The following MBNL2 variants were observed in gnomAD, a reference collection of about 807,000 sequenced individuals.
The protein encoded by MBNL2 is muscleblind-like protein 2.
In MBNL2, 17 loss-of-function variants were observed where a neutral mutation model predicts 41.9. That is an observed-to-expected ratio of 0.41 (90% CI 0.28 to 0.61). The LOEUF (loss-of-function observed/expected upper bound fraction) is 0.61, where lower values mean the gene tolerates loss of function less well. MBNL2 is among the 20% of genes least tolerant of loss of function. The probability of loss-of-function intolerance (pLI) is 0.35; values close to 1 mark genes in which losing one functional copy is unlikely to be tolerated. For synonymous variants in MBNL2, 195 were observed against 182.9 expected, an observed-to-expected ratio of 1.07 and a Z score of -0.53; for missense variants, 336 against 505.6, an observed-to-expected ratio of 0.66 and a Z score of 3.22.
intron 5 of MBNL2, among the ~76,000 whole-genome samples, chr13:97,349,668 C>T (rs912355500): frequency 1.3e-5 from 2 of 152,192 alleles, no homozygotes; most frequent in African/African-American, 4.8e-5. Flanking sequence ...GCTGGGACCA[C>T]AGGTGCATGC....
chr13:97,232,556 T>C (rs73555743), intron 1 of MBNL2, among the ~76,000 whole-genome samples: 1 of 152,266 alleles, frequency 6.6e-6, no homozygotes, highest in African/African-American at 2.4e-5. Flanking sequence ...GGGGTAAAAC[T>C]CAAGATGGTA....
At chr13:97,343,665 C>A (rs2061601739) in intron 4 of MBNL2, among the ~76,000 whole-genome samples, 2 of 152,198 alleles carry the variant, frequency 1.3e-5, no homozygotes. Context: ...AGTGGGACTA[C>A]AACTATTTAC....
intron 7 of MBNL2, among the ~76,000 whole-genome samples, chr13:97,361,318 C>T (rs1052064429): frequency 6.6e-5 from 10 of 152,162 alleles, no homozygotes; most frequent in African/African-American, 2.4e-4. Context: ...AAAAGCATCC[C>T]AGTTGGGACA....
Position 97,387,631 on chromosome 13 carries a change from G to A in MBNL2, c.1049-3691G>A, listed in dbSNP as rs556029611. 6.6e-5 allele frequency among the ~76,000 whole-genome samples: 10 copies of A among 152,250 alleles called. No individual in the cohort carries two copies. The South Asian group carries it at 8.3e-4, about 13-fold the overall frequency. On this transcript the variant is annotated intron_variant, in intron 8 of 8. Coordinates refer to ENST00000679496, the MANE Select transcript of MBNL2 (RefSeq NM_001382683.1). ...GTGTCCCGTCGCCCTATCTCAGACC[G>A]TCCCCATGCCCTGGAGGGGATGCCT...
At chr13:97,339,575 G>A (rs572947592) in intron 3 of MBNL2, among the ~76,000 whole-genome samples, 3 of 152,262 alleles carry the variant, frequency 2.0e-5, no homozygotes, top group Admixed American at 2.0e-4. Flanking sequence ...CTCCCAAGCT[G>A]TAGTTGGTGC....
At position 97,393,029 on chromosome 13, in the gene MBNL2, C is replaced by T. The variant is rs2066422203; in HGVS notation, c.*1580C>T. ...ATTCATGTTGGTCAAAGTCGAATTA[C>T]TATCTATTTATCTTATATCGTAGAT... On this transcript the variant is annotated 3_prime_UTR_variant, in exon 9 of 9. Transcript: ENST00000679496. The T allele has an allele frequency of 2.6e-5, 4 of 152,464 alleles. No individual in the cohort carries two copies. Among genetic ancestry groups the T allele is most frequent in the Admixed American group, 2.6e-4 (4 of 15,258 alleles). The allele number at this position is 152,464 out of a possible 1,614,324, so 9.4% of individuals were successfully genotyped here.
chr13:97,180,753 A>AT, the MBNL2 span, among the ~76,000 whole-genome samples: 4 of 151,780 alleles, frequency 2.6e-5, no homozygotes, highest in South Asian at 2.1e-4. Flanking sequence ...AAAAAAAAAA[A>AT]AAAAAAAAAA....
chr13:97,146,276 C>G, the MBNL2 span, among the ~76,000 whole-genome samples: 1 of 151,994 alleles, frequency 6.6e-6, no homozygotes, highest in Non-Finnish European at 1.5e-5. Flanking sequence ...GCTGGCATTA[C>G]AGGCGTGAGC....
At chr13:97,380,248 C>T (rs1329657300) in intron 8 of MBNL2, among the ~76,000 whole-genome samples, 3 of 152,078 alleles carry the variant, frequency 2.0e-5, no homozygotes, top group Admixed American at 6.5e-5. Context: ...AATTCCAACA[C>T]TTTGGGAGGC....
intron 2 of MBNL2, among the ~76,000 whole-genome samples, chr13:97,303,206 G>T (rs1214749036): frequency 6.6e-6 from 1 of 152,150 alleles, no homozygotes; most frequent in Non-Finnish European, 1.5e-5. Context: ...CCTCGGGGAG[G>T]TGGCAAAAGT....
intron 2 of MBNL2, among the ~76,000 whole-genome samples, chr13:97,320,871 C>T (rs1438285682): frequency 1.3e-5 from 2 of 152,060 alleles, no homozygotes; most frequent in Non-Finnish European, 2.9e-5. Context: ...GCCGAGATCG[C>T]ACCACTGCAC....
Position 97,391,386 on chromosome 13 carries a change from A to G in MBNL2, c.1113A>G (p.Lys371=). The change falls in exon 9 of 9, where the codon AAA becomes AAG. Residue 371 remains lysine, a synonymous_variant. Coordinates refer to ENST00000679496, the MANE Select transcript of MBNL2 (RefSeq NM_001382683.1). Reference sequence around the variant, plus strand: ...AAGAATCTGCATTGAGAATAACTAAACATTGTTACTGTACATACTATCCTG... The same window carrying G: ...AAGAATCTGCATTGAGAATAACTAAGCATTGTTACTGTACATACTATCCTG... The part of the protein sequence containing the change: ...ECQESALRIT[K]HCYCTYYPVS... 1 of 1,588,664 alleles carries G rather than the reference A, an allele frequency of 6.3e-7. No homozygotes were observed. Among genetic ancestry groups the G allele is most frequent in the Non-Finnish European group, 8.6e-7 (1 of 1,157,208 alleles).
chr13:97,204,438 AC>A, the MBNL2 span, among the ~76,000 whole-genome samples: 1 of 152,218 alleles, frequency 6.6e-6, no homozygotes, highest in Non-Finnish European at 1.5e-5. Flanking sequence ...TCAAAAGAAG[AC>A]AATTTTGTCA....
At chr13:97,352,295 C>A (rs1217007870) in intron 5 of MBNL2, among the ~76,000 whole-genome samples, 1 of 152,180 alleles carries the variant, frequency 6.6e-6, no homozygotes, top group Non-Finnish European at 1.5e-5. Context: ...TGGCTTTCGA[C>A]ATGCCTTCCT....
At chr13:97,271,446 A>G (rs78696089) in intron 1 of MBNL2, among the ~76,000 whole-genome samples, 1 of 120,036 alleles carries the variant, frequency 8.3e-6, no homozygotes, top group African/African-American at 3.2e-5. Flanking sequence ...ATTTATTTCT[A>G]AAAAAAAACA....
chr13:97,212,940 C>T, the MBNL2 span, among the ~76,000 whole-genome samples: 1 of 152,104 alleles, frequency 6.6e-6, no homozygotes, highest in Non-Finnish European at 1.5e-5. Context: ...TAGACAGCTA[C>T]CAAGGGCCCT....
chr13:97,376,347 A>T (rs1160466043), intron 8 of MBNL2, among the ~76,000 whole-genome samples: 2 of 152,172 alleles, frequency 1.3e-5, no homozygotes, highest in Non-Finnish European at 2.9e-5. Flanking sequence ...CCCATTGACC[A>T]TAAAAAGGAT....
intron 1 of MBNL2, among the ~76,000 whole-genome samples, chr13:97,227,982 A>C (rs894495371): frequency 1.3e-5 from 2 of 152,156 alleles, no homozygotes; most frequent in African/African-American, 4.8e-5. Context: ...TCTGGGAAAA[A>C]CCAAAGTCTA....
At chr13:97,315,963 A>G (rs1400423269) in intron 2 of MBNL2, among the ~76,000 whole-genome samples, 3 of 152,136 alleles carry the variant, frequency 2.0e-5, no homozygotes, top group Non-Finnish European at 1.5e-5. Context: ...GGCCATAACC[A>G]AGGGTTTGTT....
Sources: allele counts gnomAD v4.1 joint callset (sites outside exome capture counted in the v4.1 genomes callset), GRCh38; gene constraint gnomAD v4.1.1; transcripts MANE v1.5; gene names NCBI Gene and HGNC (gene_info 2026-07-23, HGNC 2026-07-21).